Variants in CASD1 observed in about 807,000 individuals in gnomAD.
The protein encoded by CASD1 is N-acetylneuraminate (7)9-O-acetyltransferase.
Under a neutral mutation model 100.0 loss-of-function variants are expected in CASD1, and 41 were observed. That is an observed-to-expected ratio of 0.41 (90% CI 0.32 to 0.53). CASD1 has a LOEUF of 0.53. Among genes scored for constraint, CASD1 ranks in the 20% least tolerant of loss-of-function variants. The pLI is 0.25. For missense variants in CASD1, 774 were observed against 948.7 expected (o/e 0.82, Z 2.42); for synonymous variants, 321 against 315.6 (o/e 1.02, Z -0.18).
In CASD1 at chr7:94,534,412, C is replaced by T. The variant is rs1033492040; in HGVS notation, c.628+610C>T. On this transcript the variant is annotated intron_variant, in intron 7 of 17. Transcript: ENST00000297273. ...TCATTAGAAGTAAATATACTTCACC[C>T]TGCTTCATAATATTAATAAAGTCAT... Among the ~76,000 whole-genome samples, 6 of 152,100 alleles carry T rather than the reference C, an allele frequency of 3.9e-5. No individual in the cohort carries two copies. The East Asian group carries it at 1.2e-3, about 29-fold the overall frequency.
At chr7:94,587,951 C>T in the CASD1 span, 1 of 1,434,178 alleles carries the variant, frequency 7.0e-7, no homozygotes, top group Non-Finnish European at 9.1e-7. Flanking sequence ...ACTCAGAATT[C>T]CACACCCAAC....
chr7:94,555,418 G>A, intron 17 of CASD1, 74 bp from the exon 18 acceptor site: 1 of 1,425,160 alleles, frequency 7.0e-7, no homozygotes, highest in Non-Finnish European at 9.5e-7. Flanking sequence ...CAACCAAATT[G>A]TTTAAATTAG....
In CASD1 at chr7:94,509,896, G is replaced by C. The variant is rs912239884; in HGVS notation, c.-189G>C. On this transcript the variant is annotated 5_prime_UTR_variant, in exon 1 of 18. Coordinates refer to ENST00000297273, the MANE Select transcript of CASD1 (RefSeq NM_022900.5). ...GGAGGCCGCCGAGTCGGCCGCGGCC[G>C]AGGAGGGGCAGGCGGAGGTCGGGGG... 3 of 1,078,818 alleles carry C rather than the reference G, an allele frequency of 2.8e-6. No individual in the cohort carries two copies. The highest frequency in any genetic ancestry group is 5.3e-5 in the Admixed American group (1 of 18,844). The allele number at this position is 1,078,818 out of a possible 1,614,324, so 66.8% of individuals were successfully genotyped here. A position where few individuals can be genotyped will look rare whatever the true frequency, so the allele number is the denominator to read the frequency against.
chr7:94,512,787 A>G (rs1793780334), intron 1 of CASD1, among the ~76,000 whole-genome samples: 1 of 152,224 alleles, frequency 6.6e-6, no homozygotes, highest in Admixed American at 6.5e-5. Flanking sequence ...TTACTGTGAC[A>G]TAAAATAATC....
the CASD1 span, chr7:94,619,829 G>T: frequency 6.6e-6 from 1 of 152,128 alleles, no homozygotes; most frequent in Non-Finnish European, 1.5e-5. Context: ...CTTTAGAGAG[G>T]TCCAGAAGCT....
At chr7:94,633,001 G>A in the CASD1 span, among the ~76,000 whole-genome samples, 1 of 151,956 alleles carries the variant, frequency 6.6e-6, no homozygotes, top group African/African-American at 2.4e-5. Flanking sequence ...AGCAAGTCTT[G>A]AAAATCAAAT....
chr7:94,628,829 C>T, the CASD1 span: 8 of 166,764 alleles, frequency 4.8e-5, no homozygotes, highest in South Asian at 1.6e-4. Context: ...ATGAAAAAGA[C>T]GTTACAAATC....
At chr7:94,511,037 G>C (rs1353573950) in intron 1 of CASD1, among the ~76,000 whole-genome samples, 1 of 152,218 alleles carries the variant, frequency 6.6e-6, no homozygotes, top group Admixed American at 6.5e-5. Flanking sequence ...CCTGATTTGA[G>C]AATGAATTAT....
At chr7:94,565,082 C>T in the CASD1 span, among the ~76,000 whole-genome samples, 1 of 151,956 alleles carries the variant, frequency 6.6e-6, no homozygotes, top group Non-Finnish European at 1.5e-5. Flanking sequence ...TATTTTTCCC[C>T]TAGAGACACC....
At chr7:94,626,278 T>A in the CASD1 span, 14 of 152,072 alleles carry the variant, frequency 9.2e-5, no homozygotes, top group African/African-American at 3.4e-4. Flanking sequence ...ATTCACAAAT[T>A]TCATATAGTG....
chr7:94,613,274 GTGTA>G, the CASD1 span, among the ~76,000 whole-genome samples: 21 of 152,142 alleles, frequency 1.4e-4, no homozygotes, highest in Admixed American at 1.0e-3. Context: ...CTGAGTCCAT[GTGTA>G]ATAATAATAA....
intron 10 of CASD1, among the ~76,000 whole-genome samples, chr7:94,540,674 G>T (rs1795350536): frequency 6.6e-6 from 1 of 152,138 alleles, no homozygotes; most frequent in Admixed American, 6.6e-5. Context: ...AAGGAGAGAT[G>T]GAGATAGTAA....
chr7:94,555,352 G>T, intron 17 of CASD1, 140 bp from the exon 18 acceptor site: 2 of 765,102 alleles, frequency 2.6e-6, no homozygotes, highest in Non-Finnish European at 4.1e-6. Context: ...GACTTTTCAG[G>T]GCCAGTAGTG....
At chr7:94,599,079 G>A in the CASD1 span, 1 of 702,988 alleles carries the variant, frequency 1.4e-6, no homozygotes. Flanking sequence ...AGACATTATG[G>A]CACTTTGGGC....
At chr7:94,567,170 G>A in the CASD1 span, among the ~76,000 whole-genome samples, 3 of 150,770 alleles carry the variant, frequency 2.0e-5, no homozygotes, top group Non-Finnish European at 4.4e-5. Flanking sequence ...AAGTCTGTGA[G>A]TTCACACCCA....
At chr7:94,511,353 C>T (rs1210590965) in intron 1 of CASD1, among the ~76,000 whole-genome samples, 1 of 152,156 alleles carries the variant, frequency 6.6e-6, no homozygotes, top group Non-Finnish European at 1.5e-5. Context: ...ATTCTCATCC[C>T]AGGAGATCTT....
At chr7:94,611,289 A>G in the CASD1 span, among the ~76,000 whole-genome samples, 1 of 152,232 alleles carries the variant, frequency 6.6e-6, no homozygotes, top group Admixed American at 6.5e-5. Context: ...TGGCATATCC[A>G]TAAAATAGAA....
Position 94,538,844 on chromosome 7 carries a change from A to G in CASD1, c.1267-123A>G, listed in dbSNP as rs774829193. The G allele has an allele frequency of 3.9e-5, 18 of 461,176 alleles. No individual in the cohort carries two copies. In the Middle Eastern group the frequency reaches 1.7e-3, roughly 43 times the overall value. 28.6% of individuals were successfully genotyped at this position (461,176 alleles called of 1,614,324 possible). On this transcript the variant is annotated intron_variant, in intron 9 of 17. Coordinates refer to ENST00000297273, the MANE Select transcript of CASD1 (RefSeq NM_022900.5). ...AGTTTTTAACTGTTTCTCACCATCA[A>G]GGTTCTTTTGACAGAAGCATTAGCT...
the CASD1 span, chr7:94,619,416 T>G: frequency 1.3e-5 from 2 of 153,286 alleles, no homozygotes; most frequent in African/African-American, 4.8e-5. Flanking sequence ...AAAGTTCTCA[T>G]GGAATTCCAC....
Sources: allele counts gnomAD v4.1 joint callset (sites outside exome capture counted in the v4.1 genomes callset), GRCh38; gene constraint gnomAD v4.1.1; transcripts MANE v1.5; gene names NCBI Gene and HGNC (gene_info 2026-07-23, HGNC 2026-07-21).